RLF: variants seen among roughly 807,000 people sequenced by gnomAD.
RLF encodes the protein RLF zinc finger.
RLF carries 7 observed loss-of-function variants against 162.9 expected under a neutral mutation model. The ratio of observed to expected loss-of-function variants is 0.04; its 90% confidence interval spans 0.02 to 0.08. The LOEUF (loss-of-function observed/expected upper bound fraction) is 0.08, where lower values mean the gene tolerates loss of function less well. Among genes scored for constraint, RLF ranks in the 10% least tolerant of loss-of-function variants. RLF has a pLI of 1.00. For synonymous variants in RLF, 782 were observed against 791.5 expected, an observed-to-expected ratio of 0.99 and a Z score of 0.20; for missense variants, 1,664 against 2,244.7, an observed-to-expected ratio of 0.74 and a Z score of 5.23.
intron 5 of RLF, among the ~76,000 whole-genome samples, chr1:40,210,308 A>G (rs1040218118): frequency 2.0e-5 from 3 of 152,234 alleles, no homozygotes; most frequent in Admixed American, 6.5e-5. Context: ...GTGTAAAGAT[A>G]GAGAATTCTG....
At chr1:40,186,714 G>A (rs1173215915) in intron 1 of RLF, among the ~76,000 whole-genome samples, 2 of 152,144 alleles carry the variant, frequency 1.3e-5, no homozygotes, top group South Asian at 2.1e-4. Context: ...ATGTCTGCCC[G>A]CCCCCACTGC....
chr1:40,208,715 G>T (rs1214194408), intron 5 of RLF, among the ~76,000 whole-genome samples: 2 of 152,218 alleles, frequency 1.3e-5, no homozygotes, highest in Non-Finnish European at 2.9e-5. Context: ...TACTCGGGAG[G>T]CTGAGGTGGG....
intron 1 of RLF, among the ~76,000 whole-genome samples, chr1:40,178,632 G>GTTTTTTTT (rs57391266): frequency 9.0e-5 from 8 of 88,422 alleles, no homozygotes; most frequent in African/African-American, 3.2e-4. Context: ...TTTTTTTTTT[G>GTTTTTTTT]TTTTTTTTTT....
chr1:40,182,830 C>T (rs1284769219), intron 1 of RLF, among the ~76,000 whole-genome samples: 1 of 152,012 alleles, frequency 6.6e-6, no homozygotes, highest in Non-Finnish European at 1.5e-5. Flanking sequence ...TTAAGAAAAC[C>T]ACCTATAACC....
intron 4 of RLF, among the ~76,000 whole-genome samples, chr1:40,198,606 G>GT (rs1473791846): frequency 1.3e-5 from 2 of 152,148 alleles, no homozygotes; most frequent in Admixed American, 1.3e-4. Context: ...CGGCAGAGCT[G>GT]TTTTTCAACT....
chr1:40,202,299 AC>A, intron 4 of RLF, 112 bp from the exon 5 acceptor site: 1 of 686,930 alleles, frequency 1.5e-6, no homozygotes, highest in Non-Finnish European at 2.4e-6. Context: ...ATTTATATAA[AC>A]TAAATTTTTA....
At chr1:40,199,994 G>A (rs1453326309) in intron 4 of RLF, among the ~76,000 whole-genome samples, 1 of 152,220 alleles carries the variant, frequency 6.6e-6, no homozygotes, top group African/African-American at 2.4e-5. Context: ...AGCTATGTGA[G>A]TGAAGGGTAT....
chr1:40,195,809 G>A (rs768275405), intron 4 of RLF, 45 bp downstream of exon 4: 5 of 1,563,668 alleles, frequency 3.2e-6, no homozygotes, highest in Non-Finnish European at 4.3e-6. Flanking sequence ...TTCTGAGAAC[G>A]TTGGAATTGA....
intron 1 of RLF, among the ~76,000 whole-genome samples, chr1:40,164,810 A>G (rs920744353): frequency 1.3e-5 from 2 of 152,212 alleles, no homozygotes; most frequent in Non-Finnish European, 2.9e-5. Flanking sequence ...TGGGCAAAGT[A>G]ATTTTATGAG....
At chr1:40,189,288 C>T (rs926081780) in intron 2 of RLF, 79 bp downstream of exon 2, 1 of 1,183,318 alleles carries the variant, frequency 8.5e-7, no homozygotes, top group African/African-American at 1.5e-5. Context: ...TTTACAGTGG[C>T]ATCACATTTA....
chr1:40,188,962 A>AAAAAAATGGGAGAGCT, intron 1 of RLF, 93 bp from the exon 2 acceptor site: 1 of 808,466 alleles, frequency 1.2e-6, no homozygotes, highest in Admixed American at 3.0e-5. Flanking sequence ...ATCTGTTAGA[A>AAAAAAATGGGAGAGCT]AAAAAATGGG....
intron 5 of RLF, among the ~76,000 whole-genome samples, chr1:40,217,875 A>G (rs1642945864): frequency 6.6e-6 from 1 of 152,362 alleles, no homozygotes; most frequent in African/African-American, 2.4e-5. Context: ...ACCTTTCTTT[A>G]AAATATGTAT....
At chr1:40,185,508 A>G (rs1243945139) in intron 1 of RLF, among the ~76,000 whole-genome samples, 1 of 73,250 alleles carries the variant, frequency 1.4e-5, no homozygotes, top group African/African-American at 5.4e-5. Flanking sequence ...TTTCAACCTA[A>G]TCTTGCATTA....
chr1:40,210,058 A>G (rs1302674334), intron 5 of RLF, among the ~76,000 whole-genome samples: 1 of 152,150 alleles, frequency 6.6e-6, no homozygotes, highest in African/African-American at 2.4e-5. Flanking sequence ...TCAGCACCTG[A>G]CACATGCCAA....
chr1:40,217,484 C>T (rs1642939422), intron 5 of RLF, among the ~76,000 whole-genome samples: 1 of 151,306 alleles, frequency 6.6e-6, no homozygotes, highest in Non-Finnish European at 1.5e-5. Context: ...TAGTAAAAAA[C>T]AAATGGGCCG....
intron 5 of RLF, among the ~76,000 whole-genome samples, chr1:40,211,778 C>T (rs911632996): frequency 2.0e-5 from 3 of 150,714 alleles, no homozygotes; most frequent in East Asian, 1.9e-4. Flanking sequence ...CGTGCCACCA[C>T]GCCTGGCTAA....
At chr1:40,221,335 G>A (rs1355578944) in intron 5 of RLF, among the ~76,000 whole-genome samples, 2 of 151,452 alleles carry the variant, frequency 1.3e-5, no homozygotes, top group African/African-American at 2.4e-5. Context: ...AAAAAAACAA[G>A]ATAATACAGT....
chr1:40,195,502 T>G (rs1050229906), intron 3 of RLF, 130 bp from the exon 4 acceptor site: 1 of 715,402 alleles, frequency 1.4e-6, no homozygotes, highest in Non-Finnish European at 2.2e-6. Flanking sequence ...AGTATAGTCT[T>G]TTTTGGTTAC....
intron 4 of RLF, among the ~76,000 whole-genome samples, chr1:40,201,503 G>A (rs1390751266): frequency 6.6e-6 from 1 of 151,654 alleles, no homozygotes; most frequent in Non-Finnish European, 1.5e-5. Flanking sequence ...GCGGGCACCT[G>A]TAGTCCCAGC....
Sources: allele counts gnomAD v4.1 joint callset (sites outside exome capture counted in the v4.1 genomes callset), GRCh38; gene constraint gnomAD v4.1.1; transcripts MANE v1.5; gene names NCBI Gene and HGNC (gene_info 2026-07-23, HGNC 2026-07-21).